Variants in SLC1A3 observed in about 807,000 individuals in gnomAD.
SLC1A3 encodes excitatory amino acid transporter 1.
In SLC1A3, 21 loss-of-function variants were observed where a neutral mutation model predicts 48.1. The observed-to-expected ratio is 0.44, with a 90% confidence interval of 0.31 to 0.63. The LOEUF (loss-of-function observed/expected upper bound fraction) is 0.63. Among genes scored for constraint, SLC1A3 ranks in the 20% least tolerant of loss-of-function variants. The probability of loss-of-function intolerance (pLI) is 0.08; values close to 1 mark genes in which losing one functional copy is unlikely to be tolerated. For missense variants in SLC1A3, 546 were observed against 689.0 expected, an observed-to-expected ratio of 0.79 and a Z score of 2.32; for synonymous variants, 239 against 251.4, an observed-to-expected ratio of 0.95 and a Z score of 0.47.
intron 3 of SLC1A3, among the ~76,000 whole-genome samples, chr5:36,662,184 C>T (rs1256816572): frequency 1.3e-5 from 2 of 152,158 alleles, no homozygotes; most frequent in Non-Finnish European, 2.9e-5. Flanking sequence ...CTACTTTTCC[C>T]GCCACCATCA....
At chr5:36,674,980 G>A (rs942847990) in intron 5 of SLC1A3, among the ~76,000 whole-genome samples, 1 of 152,098 alleles carries the variant, frequency 6.6e-6, no homozygotes, top group African/African-American at 2.4e-5. Flanking sequence ...GAGCTTTGTT[G>A]CCTAAAATAT....
upstream of SLC1A3, among the ~76,000 whole-genome samples, chr5:36,603,123 A>C (rs1213959947): frequency 6.6e-6 from 1 of 152,166 alleles, no homozygotes; most frequent in Non-Finnish European, 1.5e-5. Context: ...CTGGCTCCCC[A>C]TTGACTAGGA....
chr5:36,623,014 CAAAA>C (rs1158762437), intron 2 of SLC1A3, among the ~76,000 whole-genome samples: 3 of 51,936 alleles, frequency 5.8e-5, no homozygotes, highest in African/African-American at 2.0e-4. Flanking sequence ...TCCATCATCT[CAAAA>C]AAAAAAAAAA....
chr5:36,602,227 AGAT>A (rs1738817068), upstream of SLC1A3, among the ~76,000 whole-genome samples: 1 of 152,114 alleles, frequency 6.6e-6, no homozygotes, highest in African/African-American at 2.4e-5. Context: ...TTTTGGGAAA[AGAT>A]GAGAAATCAA....
At chr5:36,598,565 T>C (rs991799500) in intron 1 of SLC1A3, among the ~76,000 whole-genome samples, 1 of 152,212 alleles carries the variant, frequency 6.6e-6, no homozygotes, top group Non-Finnish European at 1.5e-5. Flanking sequence ...TGCTGACCAA[T>C]AGAAATATAA....
intron 9 of SLC1A3, among the ~76,000 whole-genome samples, chr5:36,684,930 A>G (rs115259617): frequency 0.015 from 2,273 of 152,288 alleles, 66 homozygotes; most frequent in African/African-American, 0.052. Context: ...TGATGCCTAG[A>G]AAGCATGCAG....
At chr5:36,680,044 T>C (rs992580929) in intron 7 of SLC1A3, among the ~76,000 whole-genome samples, 184 bp downstream of exon 7, 3 of 152,240 alleles carry the variant, frequency 2.0e-5, no homozygotes, top group Admixed American at 6.5e-5. Context: ...TACATATCTT[T>C]TGTGGGGACA....
intron 3 of SLC1A3, chr5:36,649,460 C>A (rs1373828264): frequency 6.6e-6 from 1 of 151,926 alleles, no homozygotes; most frequent in Non-Finnish European, 1.5e-5. Flanking sequence ...AAGAAAAACA[C>A]AATCCTATGT....
chr5:36,629,427 CTT>C (rs78316512), intron 2 of SLC1A3, 21 bp from the exon 3 acceptor site: 18,608 of 1,362,672 alleles, frequency 0.014, no homozygotes, highest in Admixed American at 0.023. Flanking sequence ...TTTTCTTTTT[CTT>C]TTTTTTTTTT....
intron 4 of SLC1A3, among the ~76,000 whole-genome samples, chr5:36,672,549 T>C (rs1392423392): frequency 6.6e-6 from 1 of 152,176 alleles, no homozygotes; most frequent in African/African-American, 2.4e-5. Context: ...AAAGGGCCCA[T>C]TCCCCATTGA....
At chr5:36,631,161 G>A (rs982965751) in intron 3 of SLC1A3, among the ~76,000 whole-genome samples, 1 of 152,070 alleles carries the variant, frequency 6.6e-6, no homozygotes, top group Admixed American at 6.6e-5. Flanking sequence ...CAAACCGAGG[G>A]GTTCTGGATC....
chr5:36,651,395 T>A (rs1741064810), intron 3 of SLC1A3, among the ~76,000 whole-genome samples: 3 of 152,154 alleles, frequency 2.0e-5, no homozygotes, highest in Admixed American at 2.0e-4. Flanking sequence ...TTTTCTTACC[T>A]ACTTTTTTTG....
At chr5:36,683,463 C>T (rs964189775) in intron 8 of SLC1A3, among the ~76,000 whole-genome samples, 3 of 151,814 alleles carry the variant, frequency 2.0e-5, no homozygotes, top group Non-Finnish European at 4.4e-5. Context: ...AATCCCAGCA[C>T]TTTGGGAGGC....
intron 3 of SLC1A3, among the ~76,000 whole-genome samples, chr5:36,663,150 C>T (rs1051742636): frequency 6.6e-6 from 1 of 152,116 alleles, no homozygotes; most frequent in Non-Finnish European, 1.5e-5. Context: ...TTTTTTTCTA[C>T]TTAACAATCT....
chr5:36,610,833 T>A (rs1739164285), intron 2 of SLC1A3, among the ~76,000 whole-genome samples: 2 of 152,136 alleles, frequency 1.3e-5, no homozygotes, highest in South Asian at 4.1e-4. Flanking sequence ...GCCCTCATGG[T>A]TGGCTTTACT....
chr5:36,605,233 G>C (rs2111639173), upstream of SLC1A3, among the ~76,000 whole-genome samples: 2 of 152,232 alleles, frequency 1.3e-5, no homozygotes, highest in South Asian at 4.1e-4. Context: ...GAAGGATGCA[G>C]TACAAAACAT....
intron 3 of SLC1A3, among the ~76,000 whole-genome samples, chr5:36,647,005 A>G (rs1740866877): frequency 6.6e-6 from 1 of 152,224 alleles, no homozygotes; most frequent in Admixed American, 6.5e-5. Context: ...TATAAAGGTC[A>G]GGGATAGAAC....
chr5:36,656,288 T>C (rs1741281656), intron 3 of SLC1A3, among the ~76,000 whole-genome samples: 1 of 152,196 alleles, frequency 6.6e-6, no homozygotes, highest in Non-Finnish European at 1.5e-5. Context: ...TCTCAGGGTC[T>C]CCCTGCTAGC....
intron 3 of SLC1A3, among the ~76,000 whole-genome samples, chr5:36,645,847 A>C (rs544308110): frequency 6.6e-6 from 1 of 152,156 alleles, no homozygotes; most frequent in Non-Finnish European, 1.5e-5. Flanking sequence ...GTTTTCTTCT[A>C]TCTCATGTCT....
Sources: gnomAD v4.1 joint callset for allele counts (sites outside exome capture counted in the v4.1 genomes callset) on GRCh38, gnomAD v4.1.1 for gene constraint, MANE v1.5 for transcripts, NCBI Gene and HGNC (gene_info 2026-07-23, HGNC 2026-07-21) for gene names.